The following NAA15 variants were observed in gnomAD, a reference collection of about 807,000 sequenced individuals.
The protein encoded by NAA15 is N-terminal acetyltransferase.
Under a neutral mutation model 114.0 loss-of-function variants are expected in NAA15, and 34 were observed. That is an observed-to-expected ratio of 0.30 (90% CI 0.23 to 0.40). The LOEUF is 0.40. Ranked by LOEUF, NAA15 falls within the 10% of genes least tolerant of loss-of-function variation. NAA15 has a pLI of 1.00. For synonymous variants in NAA15, 340 were observed against 338.0 expected (o/e 1.01, Z -0.06); for missense variants, 658 against 1,004.5 (o/e 0.66, Z 4.66).
chr4:139,359,075 A>G (rs1441322560), intron 11 of NAA15, among the ~76,000 whole-genome samples: 1 of 151,732 alleles, frequency 6.6e-6, no homozygotes, highest in Non-Finnish European at 1.5e-5. Context: ...ACTGTACTCT[A>G]GTCTGGGTGA....
At position 139,301,848 on chromosome 4, in the gene NAA15, G is replaced by A. The variant is rs1306810111; in HGVS notation, c.54+17G>A. 7.0e-6 allele frequency: 11 copies of A among 1,582,622 alleles called. No individual in the cohort carries two copies. In the Admixed American group the frequency reaches 7.0e-5, roughly 10 times the overall value. Reference sequence around the variant, plus strand: ...CGGATCTTGGTAAGTGTGAGGCTCCGGGCAAGCGGTGGGGAGGATTTAGCC... The same window carrying A: ...CGGATCTTGGTAAGTGTGAGGCTCCAGGCAAGCGGTGGGGAGGATTTAGCC... On this transcript the variant is annotated intron_variant, in intron 1 of 19. Transcript: ENST00000296543.
chr4:139,346,967 G>A (rs1747604265), intron 6 of NAA15, among the ~76,000 whole-genome samples: 1 of 152,088 alleles, frequency 6.6e-6, no homozygotes. Flanking sequence ...TTAGAGGTGA[G>A]GTCTTGCTGT....
At chr4:139,387,853 A>T in intron 19 of NAA15, 31 bp from the exon 20 acceptor site, 2 of 1,560,494 alleles carry the variant, frequency 1.3e-6, no homozygotes, top group Non-Finnish European at 1.7e-6. Flanking sequence ...TTTTTTGACC[A>T]GTTACAACAT....
chr4:139,386,179 T>C lies in NAA15; in HGVS notation c.2349T>C (p.Ala783=). ...TAGATCCTTCTAGTCAGAAGCGAGC[T>C]ATAGAGTTGGCAACAACACTTGATG... is the stretch of plus-strand genomic sequence containing the variant. ...YYLDPSSQKR[A]IELATTLDES... The change falls in exon 19 of 20, where the codon GCT becomes GCC. Residue 783 remains alanine (A), a synonymous_variant. Coordinates refer to ENST00000296543, the MANE Select transcript of NAA15 (RefSeq NM_057175.5). The C allele has an allele frequency of 6.2e-7, 1 of 1,611,658 alleles. No homozygotes were observed. Among genetic ancestry groups the C allele is most frequent in the African/African-American group, 1.3e-5 (1 of 74,954 alleles).
At chr4:139,340,474 C>G (rs935933132) in intron 3 of NAA15, among the ~76,000 whole-genome samples, 9 of 152,120 alleles carry the variant, frequency 5.9e-5, no homozygotes, top group African/African-American at 2.2e-4. Context: ...CTTTACATAA[C>G]TGGATTCCAT....
At chr4:139,363,403 A>G (rs768510473) in intron 14 of NAA15, among the ~76,000 whole-genome samples, 2 of 152,154 alleles carry the variant, frequency 1.3e-5, no homozygotes, top group Non-Finnish European at 2.9e-5. Flanking sequence ...CCAGAGTTCT[A>G]TGTGTACATA....
At chr4:139,372,740 T>C (rs933451614) in intron 15 of NAA15, among the ~76,000 whole-genome samples, 40 of 137,380 alleles carry the variant, frequency 2.9e-4, no homozygotes, top group Non-Finnish European at 2.2e-4. Flanking sequence ...ACCCCCCCTT[T>C]TTTTGGTGAT....
chr4:139,377,783 G>A (rs540543090), intron 16 of NAA15, among the ~76,000 whole-genome samples: 5 of 152,104 alleles, frequency 3.3e-5, no homozygotes, highest in Non-Finnish European at 7.4e-5. Flanking sequence ...TTATAACGTG[G>A]AAAATAAGTT....
chr4:139,325,924 C>T (rs1450017149), intron 1 of NAA15, among the ~76,000 whole-genome samples: 2 of 152,122 alleles, frequency 1.3e-5, no homozygotes, highest in Non-Finnish European at 2.9e-5. Flanking sequence ...CATGCCCAGC[C>T]GTTGTCTGTT....
chr4:139,311,132 T>C (rs1334524910), intron 1 of NAA15, among the ~76,000 whole-genome samples: 1 of 151,850 alleles, frequency 6.6e-6, no homozygotes, highest in Non-Finnish European at 1.5e-5. Context: ...CTTCCTTGGC[T>C]AGCAGTCAGT....
chr4:139,330,350 T>C (rs1244038653), intron 1 of NAA15, among the ~76,000 whole-genome samples: 1 of 152,240 alleles, frequency 6.6e-6, no homozygotes, highest in Non-Finnish European at 1.5e-5. Context: ...AGTTACTTAG[T>C]CTTACTATGT....
chr4:139,364,555 G>A (rs1031274082), intron 14 of NAA15, among the ~76,000 whole-genome samples: 6 of 152,092 alleles, frequency 3.9e-5, no homozygotes, highest in African/African-American at 1.4e-4. Flanking sequence ...GATTTCAAAT[G>A]CTACCTTTAT....
intron 9 of NAA15, among the ~76,000 whole-genome samples, 160 bp from the exon 10 acceptor site, chr4:139,353,866 A>G (rs1380892709): frequency 6.6e-6 from 1 of 152,236 alleles, no homozygotes; most frequent in Non-Finnish European, 1.5e-5. Context: ...AGTATGATGT[A>G]TTTTAAAATT....
chr4:139,319,502 C>T (rs916459669), intron 1 of NAA15, among the ~76,000 whole-genome samples: 2 of 152,156 alleles, frequency 1.3e-5, no homozygotes, highest in African/African-American at 4.8e-5. Flanking sequence ...GTGACATGGT[C>T]ATGGCTCACT....
rs541331240 is a variant in NAA15, at chr4:139,315,020, G to A, written c.54+13189G>A. ...GTTCAGTTTAGTTTAGGTTAGGTTA[G>A]GTTAGGTTAGGTTAGGTTAGGTTAG... On this transcript the variant is annotated intron_variant, in intron 1 of 19. Coordinates refer to ENST00000296543, the MANE Select transcript of NAA15 (RefSeq NM_057175.5). 5.5e-4 allele frequency among the ~76,000 whole-genome samples: 45 copies of A among 81,624 alleles called. 1 individual carries two copies. In the East Asian group the frequency reaches 9.6e-3, roughly 17 times the overall value. 53.5% of individuals were successfully genotyped at this position (81,624 alleles called of 152,430 possible).
rs189440965 is a variant in NAA15, at chr4:139,317,424, C to T, written c.54+15593C>T. Among the ~76,000 whole-genome samples, 17 of 152,138 alleles carry T rather than the reference C, an allele frequency of 1.1e-4. No homozygotes were observed. The East Asian group carries it at 3.1e-3, about 28-fold the overall frequency. ...AGATCACGAGGTCAAGAGTTCGAGA[C>T]CAGCCTGGCCAACATGGTGAAACCC... On this transcript the variant is annotated intron_variant, in intron 1 of 19. Transcript: ENST00000296543.
Position 139,342,778 on chromosome 4 carries a change from C to T in NAA15, c.403-48C>T, listed in dbSNP as rs758740561. 29 of 1,572,348 alleles carry T rather than the reference C, an allele frequency of 1.8e-5. No homozygotes were observed. The South Asian group carries it at 2.8e-4, about 15-fold the overall frequency. On this transcript the variant is annotated intron_variant, in intron 4 of 19. Transcript: ENST00000296543. ...TGGAGATCTTTTAAAGGAGCACTTG[C>T]TGTTACTAAAAGCCTAAGAAAAAGT...
rs1212231492 is a variant in NAA15 at position 139,336,964 on chromosome 4, G to C, written c.244+12G>C. The C allele has an allele frequency of 3.9e-6, 6 of 1,544,482 alleles. No individual in the cohort carries two copies. The highest frequency in any genetic ancestry group is 5.3e-6 in the Non-Finnish European group (6 of 1,142,548). Reference sequence around the variant, plus strand: ...GAAGAGTCATGTGTGTATCCTTTTTGAGATATATTTAAGGTTTGAGTGGGG... The same window carrying C: ...GAAGAGTCATGTGTGTATCCTTTTTCAGATATATTTAAGGTTTGAGTGGGG... On this transcript the variant is annotated intron_variant, in intron 3 of 19. Coordinates refer to ENST00000296543, the MANE Select transcript of NAA15 (RefSeq NM_057175.5).
chr4:139,312,063 GAA>G (rs1746243701), intron 1 of NAA15, among the ~76,000 whole-genome samples: 1 of 151,912 alleles, frequency 6.6e-6, no homozygotes, highest in East Asian at 1.9e-4. Context: ...GGTATGCTGG[GAA>G]GCTGATGTGG....
Sources: allele counts gnomAD v4.1 joint callset (sites outside exome capture counted in the v4.1 genomes callset), GRCh38; gene constraint gnomAD v4.1.1; transcripts MANE v1.5; gene names NCBI Gene and HGNC (gene_info 2026-07-23, HGNC 2026-07-21).